The following OGG1 variants were observed in gnomAD, a reference collection of about 807,000 sequenced individuals.
The protein encoded by OGG1 is N-glycosylase/DNA lyase.
A neutral mutation model predicts 42.3 loss-of-function variants in OGG1; 35 were observed. The observed-to-expected ratio is 0.83, with a 90% CI of 0.63 to 1.10. The LOEUF is 1.10. Ranked by LOEUF, OGG1 falls within the 50% of genes least tolerant of loss-of-function variation. The pLI is 0.00. For synonymous variants in OGG1, 189 were observed against 179.0 expected (o/e 1.06, Z -0.44); for missense variants, 484 against 446.7 (o/e 1.08, Z -0.75).
intron 3 of OGG1, chr3:9,787,195 C>G: frequency 6.2e-7 from 1 of 1,614,168 alleles, no homozygotes; most frequent in Middle Eastern, 1.6e-4. Context: ...GGTGAGAGGC[C>G]TACCTTTAGT....
At position 9,750,292 on chromosome 3, in the gene OGG1, T is replaced by C. The variant is rs761412402; in HGVS notation, c.6T>C (p.Pro2=). The change falls in exon 1 of 7, where the codon CCT becomes CCC. Residue 2 remains proline (P), a synonymous_variant. Transcript: ENST00000344629. ...GGGCGGTGCCTGCTGTGGAAATGCC[T>C]GCCCGCGCGCTTCTGCCCAGGCGCA... M[P]ARALLPRRMG... is the part of the protein sequence containing the mutation. 1.8e-5 allele frequency: 29 copies of C among 1,610,436 alleles called. No individual in the cohort carries two copies. In the Admixed American group the frequency reaches 4.8e-4, roughly 27 times the overall value.
chr3:9,771,618 T>A (rs1267086988), downstream of OGG1, among the ~76,000 whole-genome samples: 5 of 151,996 alleles, frequency 3.3e-5, no homozygotes, highest in Non-Finnish European at 7.4e-5. Context: ...CTTCCAAATC[T>A]CAGTATCTCA....
Position 9,787,372 on chromosome 3 carries a change from G to A in OGG1, c.383-356G>A, listed in dbSNP as rs1438773711. The A allele has an allele frequency of 3.8e-6, 6 of 1,577,154 alleles. No individual in the cohort carries two copies. In the South Asian group the frequency reaches 7.1e-5, roughly 19 times the overall value. On this transcript the variant is annotated intron_variant, in intron 3 of 3. Transcript: ENST00000426518. The stretch of plus-strand genomic sequence containing the variant: ...AAAAGATGGCACCCAACCCTGAGTG[G>A]GTAAGCACTGGCCAGCCATGCTTCA...
downstream of OGG1, among the ~76,000 whole-genome samples, chr3:9,788,985 A>G (rs1002499252): frequency 1.3e-5 from 2 of 151,612 alleles, no homozygotes; most frequent in African/African-American, 4.9e-5. Flanking sequence ...ACAGGCGCAC[A>G]CCGCCATGCC....
intron 2 of OGG1, among the ~76,000 whole-genome samples, chr3:9,779,605 T>C (rs1318837198): frequency 1.3e-5 from 2 of 151,798 alleles, no homozygotes; most frequent in African/African-American, 2.4e-5. Flanking sequence ...TGTATACATA[T>C]GTAACAAACC....
At chr3:9,755,806 C>T (rs1053017260) in intron 4 of OGG1, among the ~76,000 whole-genome samples, 2 of 151,748 alleles carry the variant, frequency 1.3e-5, no homozygotes, top group African/African-American at 4.8e-5. Flanking sequence ...TGAATTTTTG[C>T]TTAAAGATTT....
At chr3:9,776,591 A>G (rs151323923) in intron 2 of OGG1, among the ~76,000 whole-genome samples, 3,057 of 151,882 alleles carry the variant, frequency 0.02, 86 homozygotes, top group African/African-American at 0.07. Context: ...GGGTTTCACC[A>G]TGTTAGCCAG....
intron 3 of OGG1, among the ~76,000 whole-genome samples, chr3:9,786,064 A>G (rs937614524): frequency 1.1e-4 from 17 of 151,866 alleles, no homozygotes; most frequent in African/African-American, 3.9e-4. Context: ...TCAGCCTCCC[A>G]AGTAGTTGGG....
At chr3:9,787,125 A>G (rs1459595520) in intron 3 of OGG1, 3 of 1,614,024 alleles carry the variant, frequency 1.9e-6, no homozygotes, top group East Asian at 2.2e-5. Context: ...CGGGCACAGG[A>G]AAGGAGGGGA....
At chr3:9,763,277 T>C (rs1459877057) in intron 7 of OGG1, 5 of 1,602,950 alleles carry the variant, frequency 3.1e-6, no homozygotes, top group Non-Finnish European at 4.3e-6. Context: ...CCAAGCTACT[T>C]GGGAACTTGG....
chr3:9,757,070 A>C lies in OGG1; in HGVS notation c.958A>C (p.Ser320Arg), dbSNP rs760856682. 6.2e-6 allele frequency: 10 copies of C among 1,614,054 alleles called. No individual in the cohort carries two copies. The East Asian group carries it at 2.2e-4, about 36-fold the overall frequency. Residue 320 changes from serine (S) to arginine (R), a missense_variant, in exon 7 of 7, where the codon AGT becomes CGT. Transcript: ENST00000344629. The surrounding 1 kb of genome is among the most constrained non-coding windows in gnomAD (Gnocchi z 4.5). ...CTCCACCCTCCTACAGGTGCTGTTC[A>C]GTGCCGACCTGCGCCAATCCCGCCA... ...YAGWAQAVLF[S>R]ADLRQSRHAQ...
Position 9,751,340 on chromosome 3 carries a change from A to G in OGG1, c.385+148A>G, listed in dbSNP as rs2077295045. On this transcript the variant is annotated intron_variant, in intron 2 of 6. Transcript: ENST00000344629. The stretch of plus-strand genomic sequence containing the variant: ...GAACTAATACATGTAAAGTGCTTAG[A>G]ATAATGCCAGGCACATAGTAAGTAT... The G allele has an allele frequency of 5.0e-6, 4 of 798,206 alleles. No homozygotes were observed. In the Admixed American group the frequency reaches 8.6e-5, roughly 17 times the overall value. The allele number at this position is 798,206 out of a possible 1,614,324, so 49.4% of individuals were successfully genotyped here. A position where few individuals can be genotyped will look rare whatever the true frequency, so the allele number is the denominator to read the frequency against.
downstream of OGG1, chr3:9,761,565 C>CAA: frequency 6.2e-7 from 1 of 1,613,146 alleles, no homozygotes; most frequent in Non-Finnish European, 8.5e-7. Context: ...GTGGTGGTGA[C>CAA]AAATCTCTGC....
downstream of OGG1, among the ~76,000 whole-genome samples, chr3:9,767,296 A>T (rs1352667411): frequency 3.3e-5 from 5 of 152,172 alleles, no homozygotes; most frequent in Non-Finnish European, 7.3e-5. Flanking sequence ...CATGTCTGGG[A>T]TCAACTTGAA....
At chr3:9,784,825 T>C (rs2078567869) in intron 3 of OGG1, among the ~76,000 whole-genome samples, 1 of 151,070 alleles carries the variant, frequency 6.6e-6, no homozygotes. Flanking sequence ...GATTGCGCCA[T>C]TGCGCTCCAA....
At chr3:9,751,291 C>T in intron 2 of OGG1, 99 bp downstream of exon 2, 1 of 1,257,774 alleles carries the variant, frequency 8.0e-7, no homozygotes, top group South Asian at 1.3e-5. Context: ...ATATCTACTT[C>T]ATAGGCTTTT....
chr3:9,753,021 C>G (rs1387056725), intron 3 of OGG1, among the ~76,000 whole-genome samples: 1 of 152,114 alleles, frequency 6.6e-6, no homozygotes, highest in Non-Finnish European at 1.5e-5. Flanking sequence ...GCACTCCAGC[C>G]TGGGTTACAG....
chr3:9,750,400 T>G lies in OGG1; in HGVS notation c.114T>G (p.Val38=), dbSNP rs200973224. The part of the protein sequence containing the change: ...CPRSELRLDL[V]LPSGQSFRWR... ...GCTCTGAGCTGCGCCTGGACCTGGT[T>G]CTGCCTTCTGGACAATCTTTCCGGT... The change falls in exon 1 of 7, where the codon GTT becomes GTG. Residue 38 remains valine, a synonymous_variant. Coordinates refer to ENST00000344629, the MANE Select transcript of OGG1 (RefSeq NM_002542.6). 47 of 1,614,028 alleles carry G rather than the reference T, an allele frequency of 2.9e-5. No individual in the cohort carries two copies. Among genetic ancestry groups the G allele is most frequent in the Non-Finnish European group, 3.8e-5 (45 of 1,180,034 alleles).
intron 2 of OGG1, among the ~76,000 whole-genome samples, chr3:9,777,523 C>T (rs1016804266): frequency 6.6e-6 from 1 of 152,072 alleles, no homozygotes; most frequent in Admixed American, 6.6e-5. Context: ...TATTACTCTC[C>T]TTGGAGGTGC....
Sources: gnomAD v4.1 joint callset for allele counts (sites outside exome capture counted in the v4.1 genomes callset) on GRCh38, gnomAD v4.1.1 for gene constraint, Gnocchi (gnomAD v3.1) non-coding constraint, MANE v1.5 for transcripts, NCBI Gene and HGNC (gene_info 2026-07-23, HGNC 2026-07-21) for gene names.